Variants in TENM3 observed in about 807,000 individuals in gnomAD.
The protein encoded by TENM3 is teneurin-3.
TENM3 carries 63 observed loss-of-function variants against 255.1 expected under a neutral mutation model. That is an observed-to-expected ratio of 0.25 (90% CI 0.20 to 0.30). The LOEUF is 0.30. Among genes scored for constraint, TENM3 ranks in the 10% least tolerant of loss-of-function variants. The pLI, the probability that TENM3 is intolerant of heterozygous loss-of-function variation, is 1.00. For missense variants in TENM3, 2,929 were observed against 3,461.1 expected (o/e 0.85, Z 3.86); for synonymous variants, 1,306 against 1,322.3 (o/e 0.99, Z 0.27).
At chr4:181,448,686 T>C in the TENM3 span, among the ~76,000 whole-genome samples, 3 of 152,230 alleles carry the variant, frequency 2.0e-5, no homozygotes, top group East Asian at 3.8e-4. Context: ...TCTATTCATC[T>C]GCATAAAAGC....
intron 1 of TENM3, among the ~76,000 whole-genome samples, chr4:182,316,586 C>A (rs1204559252): frequency 6.6e-6 from 1 of 152,074 alleles, no homozygotes; most frequent in African/African-American, 2.4e-5. Flanking sequence ...CTACAAAATG[C>A]CCCCACTCCC....
chr4:181,924,092 G>A, the TENM3 span, among the ~76,000 whole-genome samples: 1 of 152,164 alleles, frequency 6.6e-6, no homozygotes, highest in Admixed American at 6.5e-5. Flanking sequence ...TGTTTGCAGA[G>A]CAACCTAGAG....
intron 3 of TENM3, among the ~76,000 whole-genome samples, chr4:182,509,692 C>T (rs1380176471): frequency 6.6e-6 from 1 of 152,068 alleles, no homozygotes; most frequent in East Asian, 1.9e-4. Flanking sequence ...AATCCCAGCA[C>T]TTTGGGAGGC....
At chr4:181,835,759 T>C in the TENM3 span, among the ~76,000 whole-genome samples, 1 of 152,274 alleles carries the variant, frequency 6.6e-6, no homozygotes, top group East Asian at 1.9e-4. Flanking sequence ...ACCATTAAGG[T>C]ACATAATTAA....
the TENM3 span, among the ~76,000 whole-genome samples, chr4:181,684,422 A>T: frequency 6.6e-6 from 1 of 152,162 alleles, no homozygotes; most frequent in African/African-American, 2.4e-5. Flanking sequence ...CTTTGAATCT[A>T]ATGTTTTCAC....
chr4:181,558,433 A>T, the TENM3 span, among the ~76,000 whole-genome samples: 1 of 152,232 alleles, frequency 6.6e-6, no homozygotes, highest in Admixed American at 6.5e-5. Context: ...CTAAAATACA[A>T]ATGTGGATCG....
At chr4:182,057,652 T>C in the TENM3 span, among the ~76,000 whole-genome samples, 1 of 151,940 alleles carries the variant, frequency 6.6e-6, no homozygotes, top group South Asian at 2.1e-4. Flanking sequence ...CCCCCTGCCT[T>C]CGCCTCCCAA....
At chr4:182,055,778 G>A in the TENM3 span, among the ~76,000 whole-genome samples, 21 of 152,112 alleles carry the variant, frequency 1.4e-4, no homozygotes, top group African/African-American at 5.1e-4. Flanking sequence ...AAATCCATAT[G>A]ACTTAAGCTG....
upstream of TENM3, among the ~76,000 whole-genome samples, chr4:182,241,272 G>C (rs2150065304): frequency 6.6e-6 from 1 of 152,208 alleles, no homozygotes; most frequent in African/African-American, 2.4e-5. Context: ...TGTAACAACA[G>C]TTTTCACCTC....
the TENM3 span, among the ~76,000 whole-genome samples, chr4:181,507,426 G>A: frequency 6.6e-6 from 1 of 152,210 alleles, no homozygotes; most frequent in African/African-American, 2.4e-5. Flanking sequence ...TTCCTCTTCA[G>A]AATCTGTTTA....
chr4:181,722,182 C>T, the TENM3 span, among the ~76,000 whole-genome samples: 1 of 152,110 alleles, frequency 6.6e-6, no homozygotes, highest in Non-Finnish European at 1.5e-5. Context: ...GGAAGGGTAG[C>T]AGAACTGGGG....
In TENM3 at chr4:182,599,679, A is replaced by G. The variant is rs189001769; in HGVS notation, c.512-1245A>G. Reference sequence around the variant, plus strand: ...TTCATTTCATGCAAACTGAATTACAATGTTAAACTGTGCTATTTGGCTTAA... The same window carrying G: ...TTCATTTCATGCAAACTGAATTACAGTGTTAAACTGTGCTATTTGGCTTAA... On this transcript the variant is annotated intron_variant, in intron 3 of 27. Coordinates refer to ENST00000511685, the MANE Select transcript of TENM3 (RefSeq NM_001080477.4). Among the ~76,000 whole-genome samples the G allele has an allele frequency of 3.9e-4, 60 of 152,340 alleles. 1 individual carries two copies. Among genetic ancestry groups the G allele is most frequent in the Middle Eastern group, 3.4e-3 (1 of 294 alleles).
the TENM3 span, among the ~76,000 whole-genome samples, chr4:181,693,478 C>A: frequency 3.3e-5 from 5 of 152,166 alleles, no homozygotes; most frequent in Non-Finnish European, 5.9e-5. Context: ...GTCATCATCC[C>A]ATCTGAAACG....
At chr4:181,874,091 G>A in the TENM3 span, among the ~76,000 whole-genome samples, 1 of 151,694 alleles carries the variant, frequency 6.6e-6, no homozygotes, top group Non-Finnish European at 1.5e-5. Flanking sequence ...CCTAATTTTT[G>A]TATTTTTATT....
At chr4:182,016,293 A>G in the TENM3 span, among the ~76,000 whole-genome samples, 2 of 152,218 alleles carry the variant, frequency 1.3e-5, no homozygotes, top group African/African-American at 2.4e-5. Context: ...CCATTTCACA[A>G]ACAGTAAAAC....
the TENM3 span, among the ~76,000 whole-genome samples, chr4:182,004,442 G>A: frequency 6.6e-6 from 1 of 151,638 alleles, no homozygotes; most frequent in African/African-American, 2.4e-5. Context: ...GTATACTATG[G>A]GTGTACCACA....
intron 5 of TENM3, among the ~76,000 whole-genome samples, chr4:182,644,795 A>T (rs1752600385): frequency 6.6e-6 from 1 of 152,196 alleles, no homozygotes. Context: ...GAAAATGGTT[A>T]CAGTTCATGA....
intron 4 of TENM3, among the ~76,000 whole-genome samples, chr4:182,608,882 G>A (rs1748695844): frequency 6.6e-6 from 1 of 152,204 alleles, no homozygotes; most frequent in Admixed American, 6.5e-5. Flanking sequence ...AGTGACCTGG[G>A]TCAGCCAGGG....
chr4:182,537,491 G>A (rs796089408), intron 3 of TENM3, among the ~76,000 whole-genome samples: 11 of 152,242 alleles, frequency 7.2e-5, no homozygotes, highest in African/African-American at 2.6e-4. Flanking sequence ...CAAATTCTCA[G>A]CTTCAGTCAA....
Sources: allele counts gnomAD v4.1 joint callset (sites outside exome capture counted in the v4.1 genomes callset), GRCh38; gene constraint gnomAD v4.1.1; transcripts MANE v1.5; gene names NCBI Gene and HGNC (gene_info 2026-07-23, HGNC 2026-07-21).